Variants in MSH5 observed in about 807,000 individuals in gnomAD.
The protein encoded by MSH5 is mutS homolog 5, also known as mutS protein homolog 5.
MSH5 carries 78 observed loss-of-function variants against 107.7 expected under a neutral mutation model. The observed-to-expected ratio is 0.72, with a 90% confidence interval of 0.60 to 0.87. The LOEUF is 0.87. MSH5 is among the 40% of genes least tolerant of loss of function. The probability of loss-of-function intolerance (pLI) is 0.00; values close to 1 mark genes in which losing one functional copy is unlikely to be tolerated. For missense variants in MSH5, 889 were observed against 1,046.6 expected (o/e 0.85, Z 2.08); for synonymous variants, 326 against 399.5 (o/e 0.82, Z 2.19).
chr6:31,741,120 T>C (rs747428096), intron 2 of MSH5, 43 bp from the exon 3 acceptor site: 44 of 1,608,130 alleles, frequency 2.7e-5, no homozygotes, highest in Admixed American at 8.4e-5. Context: ...CCTACACTTA[T>C]GAGTGATTCT....
At position 31,760,063 on chromosome 6, in the gene MSH5, T is replaced by C. The variant is rs988087708; in HGVS notation, c.1686-27T>C. ...TTCATCTATCTTGATCCACAAGCCA[T>C]GCGAGGTGCCTCTCCGCCCACTGCA... On this transcript the variant is annotated intron_variant, in intron 18 of 24. Coordinates refer to ENST00000375750, the MANE Select transcript of MSH5 (RefSeq NM_172166.4). The surrounding 1 kb of genome is among the most constrained non-coding windows in gnomAD (Gnocchi z 5.6). 2 of 1,603,600 alleles carry C rather than the reference T, an allele frequency of 1.2e-6. No individual in the cohort carries two copies. The highest frequency in any genetic ancestry group is 8.5e-7 in the Non-Finnish European group (1 of 1,173,498).
intron 3 of MSH5, 127 bp downstream of exon 3, chr6:31,741,413 C>G (rs967366316): frequency 7.6e-7 from 1 of 1,310,798 alleles, no homozygotes; most frequent in Non-Finnish European, 1.0e-6. Flanking sequence ...GAGTCTTGCT[C>G]TGTTACCCAG....
rs762649413 is a variant in MSH5, at chr6:31,760,221, G to A, written c.1812+5G>A. On this transcript the variant is annotated splice_donor_5th_base_variant and intron_variant, in intron 19 of 24. Coordinates refer to ENST00000375750, the MANE Select transcript of MSH5 (RefSeq NM_172166.4). The surrounding 1 kb of genome is among the most constrained non-coding windows in gnomAD (Gnocchi z 5.6). ...AAGAGCATATACCTCAAACAGGTGAGGAGAAGCCCTGCAGCCTGGGCCTCT... is the reference window on the plus strand; with the variant it reads ...AAGAGCATATACCTCAAACAGGTGAAGAGAAGCCCTGCAGCCTGGGCCTCT... 6.3e-7 allele frequency: 1 copy of A among 1,582,238 alleles called. No homozygotes were observed. The highest frequency in any genetic ancestry group is 8.6e-7 in the Non-Finnish European group (1 of 1,166,706).
chr6:31,748,436 C>G (rs2151350072), intron 10 of MSH5, among the ~76,000 whole-genome samples: 1 of 150,862 alleles, frequency 6.6e-6, no homozygotes, highest in African/African-American at 2.4e-5. Context: ...GCAACCTCCA[C>G]TTCCCGGGTT....
rs892527463 is a variant in MSH5, at chr6:31,745,391, C to G, written c.766+72C>G. The G allele has an allele frequency of 7.8e-6, 8 of 1,022,752 alleles. No homozygotes were observed. In the African/African-American group the frequency reaches 1.3e-4, roughly 16 times the overall value. 63.4% of individuals were successfully genotyped at this position (1,022,752 alleles called of 1,614,324 possible). Reference sequence around the variant, plus strand: ...AAAGCAATTGGCTCCAAAGATGTGTCCCAGCCTCCCTTCCCACTTCACTCC... The same window carrying G: ...AAAGCAATTGGCTCCAAAGATGTGTGCCAGCCTCCCTTCCCACTTCACTCC... On this transcript the variant is annotated intron_variant, in intron 9 of 24. Coordinates refer to ENST00000375750, the MANE Select transcript of MSH5 (RefSeq NM_172166.4).
At chr6:31,745,036 A>G (rs1809289162) in intron 8 of MSH5, among the ~76,000 whole-genome samples, 1 of 146,222 alleles carries the variant, frequency 6.8e-6, no homozygotes, top group South Asian at 2.2e-4. Flanking sequence ...TCCAGGAGGC[A>G]GAGGTTGCAG....
chr6:31,762,078 C>T (rs1811064739), intron 23 of MSH5, 34 bp from the exon 24 acceptor site: 2 of 1,613,564 alleles, frequency 1.2e-6, no homozygotes, highest in Non-Finnish European at 1.7e-6. Context: ...TTCCCCACTC[C>T]CCTTACTCCT....
intron 10 of MSH5, among the ~76,000 whole-genome samples, chr6:31,749,234 C>T (rs1202678714): frequency 6.6e-6 from 1 of 152,064 alleles, no homozygotes; most frequent in African/African-American, 2.4e-5. Flanking sequence ...TTTCCTTGTT[C>T]TGTACCTATC....
chr6:31,741,364 C>T, intron 3 of MSH5, 78 bp downstream of exon 3: 6 of 1,338,160 alleles, frequency 4.5e-6, no homozygotes, highest in Non-Finnish European at 6.1e-6. Context: ...CACACACACA[C>T]ACACACACAC....
Position 31,761,340 on chromosome 6 carries a change from G to T in MSH5, c.2037+78G>T. 6.2e-7 allele frequency: 1 copy of T among 1,604,872 alleles called. No homozygotes were observed. Among genetic ancestry groups the T allele is most frequent in the Non-Finnish European group, 8.5e-7 (1 of 1,173,612 alleles). ...GATGAAGGAGCATGACAGTGAGGCT[G>T]GGCCTCTGGAATGGAATAGGGCTGT... On this transcript the variant is annotated intron_variant, in intron 21 of 24. Coordinates refer to ENST00000375750, the MANE Select transcript of MSH5 (RefSeq NM_172166.4). The surrounding 1 kb of genome is among the most constrained non-coding windows in gnomAD (Gnocchi z 5.3).
Position 31,744,240 on chromosome 6 carries a change from G to T in MSH5, c.588G>T (p.Gly196=), listed in dbSNP as rs1322400362. 1 of 1,614,150 alleles carries T rather than the reference G, an allele frequency of 6.2e-7. No homozygotes were observed. The highest frequency in any genetic ancestry group is 1.7e-5 in the Admixed American group (1 of 60,014). The change falls in exon 7 of 25, where the codon GGG becomes GGT. Residue 196 remains glycine (G), a synonymous_variant. Coordinates refer to ENST00000375750, the MANE Select transcript of MSH5 (RefSeq NM_172166.4). The part of the protein sequence containing the change: ...LLKFLGRRRI[G]VELEDYNVSV... ...AGTTCCTGGGTCGAAGAAGAATCGG[G>T]GTTGAACTGGAAGACTATAATGTCA...
chr6:31,741,016 T>C, intron 2 of MSH5, 147 bp from the exon 3 acceptor site: 3 of 994,696 alleles, frequency 3.0e-6, no homozygotes, highest in Non-Finnish European at 4.4e-6. Context: ...GTCTCTTACC[T>C]CCTGAGTGGC....
At chr6:31,756,030 C>G (rs2151369964) in intron 12 of MSH5, among the ~76,000 whole-genome samples, 1 of 150,622 alleles carries the variant, frequency 6.6e-6, no homozygotes, top group African/African-American at 2.4e-5. Context: ...GTTCTAGAAG[C>G]ATGATTAGGT....
intron 3 of MSH5, among the ~76,000 whole-genome samples, 200 bp downstream of exon 3, chr6:31,741,486 C>T (rs896957508): frequency 3.3e-5 from 5 of 152,126 alleles, no homozygotes; most frequent in African/African-American, 1.2e-4. Flanking sequence ...TCAAGCAATT[C>T]TCCTGACTCA....
At position 31,743,930 on chromosome 6, in the gene MSH5, C is replaced by G; in HGVS notation, c.442C>G (p.Leu148Val). ...TCTGGAGATAAGCAAACAACGCCTCCTTTCTGGAAACTACTCCTTCATCCC... is the reference window on the plus strand; with the variant it reads ...TCTGGAGATAAGCAAACAACGCCTCGTTTCTGGAAACTACTCCTTCATCCC... Reference protein sequence around the residue: ...FGLEISKQRLLSGNYSFIPDA... With the variant: ...FGLEISKQRLVSGNYSFIPDA... Residue 148 changes from leucine (L) to valine (V), a missense_variant, in exon 6 of 25, where the codon CTT (leucine) becomes GTT (valine). Physicochemically the swap from Leu to Val is conservative, Grantham distance 32. Coordinates refer to ENST00000375750, the MANE Select transcript of MSH5 (RefSeq NM_172166.4). 1 of 1,613,488 alleles carries G rather than the reference C, an allele frequency of 6.2e-7. No individual in the cohort carries two copies. Among genetic ancestry groups the G allele is most frequent in the Non-Finnish European group, 8.5e-7 (1 of 1,180,026 alleles).
At position 31,753,561 on chromosome 6, in the gene MSH5, CTG is replaced by C. The variant is rs1219303504; in HGVS notation, c.952-4_952-3del. 6 of 1,614,114 alleles carry C rather than the reference CTG, an allele frequency of 3.7e-6. No individual in the cohort carries two copies. The highest frequency in any genetic ancestry group is 1.1e-5 in the South Asian group (1 of 91,086). On this transcript the variant is annotated splice_polypyrimidine_tract_variant and splice_region_variant and intron_variant, in intron 11 of 24. Coordinates refer to ENST00000375750, the MANE Select transcript of MSH5 (RefSeq NM_172166.4). ...AAACAGCGGCTGTAACCTTGTCTGA[CTG>C]TAGCTGATTCTGAAACGCATGAAGT...
At chr6:31,741,380 CA>C (rs1808882676) in intron 3 of MSH5, 94 bp downstream of exon 3, 1 of 846,678 alleles carries the variant, frequency 1.2e-6, no homozygotes, top group Non-Finnish European at 1.6e-6. Context: ...CACACACACA[CA>C]CATATTTTTT....
In MSH5 at chr6:31,760,946, A is replaced by G. The variant is rs987719819; in HGVS notation, c.1962+107A>G. On this transcript the variant is annotated intron_variant, in intron 20 of 24. Transcript: ENST00000375750. This position sits in a 1 kb window ranked among gnomAD's most constrained non-coding sequence, Gnocchi z 5.6. ...ATGCCCTCTGCTGCATGCCCTTTAT[A>G]CTAAAAGTGGGGAGCACTAAGGTCA... is the stretch of plus-strand genomic sequence containing the variant. 1 of 1,324,300 alleles carries G rather than the reference A, an allele frequency of 7.6e-7. No homozygotes were observed. The highest frequency in any genetic ancestry group is 1.0e-6 in the Non-Finnish European group (1 of 969,194). The allele number at this position is 1,324,300 out of a possible 1,614,324, so 82.0% of individuals were successfully genotyped here.
chr6:31,761,568 C>A lies in MSH5; in HGVS notation c.2134C>A (p.Leu712Ile). The A allele has an allele frequency of 6.2e-7, 1 of 1,614,030 alleles. No homozygotes were observed. ...CTTTGTGGCCACCAACTTTCTGAGC[C>A]TTGTTCAGCTACAACTGCTGCCACA... ...HIFVATNFLS[L>I]VQLQLLPQGP... The change falls in exon 22 of 25, where the codon CTT (leucine) becomes ATT (isoleucine). Residue 712 changes from leucine (L) to isoleucine (I), a missense_variant. By Grantham distance (5) the Leu-to-Ile change is conservative (BLOSUM62 2). Coordinates refer to ENST00000375750, the MANE Select transcript of MSH5 (RefSeq NM_172166.4). This position sits in a 1 kb window ranked among gnomAD's most constrained non-coding sequence, Gnocchi z 5.3.
Sources: allele counts gnomAD v4.1 joint callset (sites outside exome capture counted in the v4.1 genomes callset), GRCh38; gene constraint gnomAD v4.1.1; non-coding constraint Gnocchi (gnomAD v3.1); transcripts MANE v1.5; gene names NCBI Gene and HGNC (gene_info 2026-07-23, HGNC 2026-07-21).